Variants in PIEZO2 observed in about 807,000 individuals in gnomAD.
PIEZO2 encodes piezo-type mechanosensitive ion channel component 2.
PIEZO2 carries 172 observed loss-of-function variants against 337.3 expected under a neutral mutation model. That is an observed-to-expected ratio of 0.51 (90% confidence interval 0.45 to 0.58). The LOEUF is 0.58. PIEZO2 is among the 20% of genes least tolerant of loss of function. The pLI is 0.00. For missense variants in PIEZO2, 3,028 were observed against 3,391.3 expected (o/e 0.89, Z 2.66); for synonymous variants, 1,251 against 1,228.5 (o/e 1.02, Z -0.38).
chr18:11,053,459 T>TA (rs541389229), intron 2 of PIEZO2, among the ~76,000 whole-genome samples: 84 of 152,298 alleles, frequency 5.5e-4, no homozygotes, highest in African/African-American at 2.0e-3. Context: ...ACAGCCCACT[T>TA]AAAAATTTAT....
intron 27 of PIEZO2, among the ~76,000 whole-genome samples, chr18:10,756,828 T>A (rs976415148): frequency 7.7e-6 from 1 of 130,714 alleles, no homozygotes; most frequent in Admixed American, 7.8e-5. Context: ...GGGATAAGGA[T>A]GAGGAATGGG....
At chr18:10,706,523 T>C (rs558507165) in intron 40 of PIEZO2, among the ~76,000 whole-genome samples, 10 of 152,194 alleles carry the variant, frequency 6.6e-5, no homozygotes, top group Non-Finnish European at 1.5e-4. Context: ...TGTTCTCTCC[T>C]ACCAACAACT....
rs961118861 is a variant in PIEZO2, at chr18:11,032,056, G to A, written c.160+34071C>T. 1.3e-5 allele frequency among the ~76,000 whole-genome samples: 2 copies of A among 152,076 alleles called. No homozygotes were observed. Among genetic ancestry groups the A allele is most frequent in the Non-Finnish European group, 2.9e-5 (2 of 68,024 alleles). ...GATGGCAATAAAGTAATGATGACAAGAGCTACCATTTTTCAGGACCTGCCA... is the reference window on the plus strand; with the variant it reads ...GATGGCAATAAAGTAATGATGACAAAAGCTACCATTTTTCAGGACCTGCCA... On this transcript the variant is annotated intron_variant, in intron 2 of 55. Transcript: ENST00000674853. This position sits in a 1 kb window ranked among gnomAD's most constrained non-coding sequence, Gnocchi z 4.9.
At position 10,837,104 on chromosome 18, in the gene PIEZO2, G is replaced by T. The variant is rs183853142; in HGVS notation, c.917+18249C>A. On this transcript the variant is annotated intron_variant, in intron 7 of 55. Transcript: ENST00000674853. This position sits in a 1 kb window ranked among gnomAD's most constrained non-coding sequence, Gnocchi z 4.4. The stretch of plus-strand genomic sequence containing the variant: ...TTTCTTAGGCAAAGAAACACTCTTC[G>T]CACAGGGATTGCTCACAACTCTTTC... Among the ~76,000 whole-genome samples the T allele has an allele frequency of 6.6e-6, 1 of 152,088 alleles. No homozygotes were observed. Among genetic ancestry groups the T allele is most frequent in the Non-Finnish European group, 1.5e-5 (1 of 68,012 alleles).
intron 8 of PIEZO2, among the ~76,000 whole-genome samples, chr18:10,805,341 C>T (rs959906480): frequency 6.6e-6 from 1 of 152,122 alleles, no homozygotes; most frequent in Non-Finnish European, 1.5e-5. Flanking sequence ...TGGCGAAACC[C>T]CGTCTCTACT....
At chr18:11,107,889 G>T (rs1404005972) in intron 1 of PIEZO2, among the ~76,000 whole-genome samples, 1 of 152,162 alleles carries the variant, frequency 6.6e-6, no homozygotes, top group Admixed American at 6.5e-5. Context: ...TTGCTGCTTG[G>T]CAACGGCTTT....
chr18:10,674,475 C>A (rs2033906084), intron 54 of PIEZO2, among the ~76,000 whole-genome samples: 1 of 152,206 alleles, frequency 6.6e-6, no homozygotes, highest in Non-Finnish European at 1.5e-5. Flanking sequence ...TCCCCAGGGC[C>A]CTCCATTGGG....
chr18:10,778,786 C>T (rs994540454), intron 18 of PIEZO2, among the ~76,000 whole-genome samples: 7 of 152,148 alleles, frequency 4.6e-5, no homozygotes, highest in African/African-American at 1.4e-4. Flanking sequence ...GGCCTTGTGG[C>T]TTGGGATAAG....
intron 7 of PIEZO2, among the ~76,000 whole-genome samples, chr18:10,822,908 G>GAA (rs1177692244): frequency 1.1e-4 from 17 of 152,196 alleles, no homozygotes; most frequent in African/African-American, 3.9e-4. Flanking sequence ...AAAAATCAGC[G>GAA]GCTCAACAAA....
At chr18:11,045,836 C>T (rs980905452) in intron 2 of PIEZO2, among the ~76,000 whole-genome samples, 1 of 152,208 alleles carries the variant, frequency 6.6e-6, no homozygotes, top group Non-Finnish European at 1.5e-5. Context: ...GGATCACCAA[C>T]TAGACAGTCC....
chr18:10,784,371 T>C lies in PIEZO2; in HGVS notation c.2492+413A>G, dbSNP rs1344539516. ...TTATTTCCAAAGTGGAAGGGAAAAC[T>C]GCCCATCATCTTTTGCTATGCTCTC... On this transcript the variant is annotated intron_variant, in intron 17 of 55. Transcript: ENST00000674853. This position sits in a 1 kb window ranked among gnomAD's most constrained non-coding sequence, Gnocchi z 4.5. Among the ~76,000 whole-genome samples, 2 of 152,240 alleles carry C rather than the reference T, an allele frequency of 1.3e-5. No individual in the cohort carries two copies. The highest frequency in any genetic ancestry group is 2.4e-5 in the African/African-American group (1 of 41,474).
chr18:11,025,873 G>A (rs989903901), intron 2 of PIEZO2, among the ~76,000 whole-genome samples: 1 of 152,174 alleles, frequency 6.6e-6, no homozygotes, highest in Non-Finnish European at 1.5e-5. Flanking sequence ...AGTAGGTGTG[G>A]AAGAGGGAGT....
intron 4 of PIEZO2, among the ~76,000 whole-genome samples, chr18:10,898,943 G>A (rs2042975732): frequency 6.6e-6 from 1 of 152,174 alleles, no homozygotes; most frequent in Non-Finnish European, 1.5e-5. Flanking sequence ...CCTGACCAAA[G>A]CTTCCCTGGG....
intron 35 of PIEZO2, among the ~76,000 whole-genome samples, chr18:10,734,511 G>T (rs917007080): frequency 5.3e-5 from 8 of 152,242 alleles, no homozygotes; most frequent in African/African-American, 1.7e-4. Flanking sequence ...ACAGAGCAAA[G>T]CATTTTAGTG....
intron 15 of PIEZO2, 82 bp from the exon 16 acceptor site, chr18:10,787,266 T>A: frequency 1.6e-6 from 2 of 1,257,206 alleles, no homozygotes; most frequent in Non-Finnish European, 2.1e-6. Flanking sequence ...TTAATTCAAG[T>A]AAGACAAGTG....
At chr18:10,941,587 A>G (rs1223660934) in intron 3 of PIEZO2, among the ~76,000 whole-genome samples, 7 of 152,242 alleles carry the variant, frequency 4.6e-5, no homozygotes, top group African/African-American at 1.7e-4. Flanking sequence ...ATACGTTTTC[A>G]TTCTAAGCCT....
Position 10,713,204 on chromosome 18 carries a change from G to GTA in PIEZO2, c.5423+1558_5423+1559dup, listed in dbSNP as rs759259596. 9.2e-5 allele frequency among the ~76,000 whole-genome samples: 14 copies of GTA among 151,954 alleles called. No homozygotes were observed. The highest frequency in any genetic ancestry group is 3.4e-4 in the African/African-American group (14 of 41,346). Reference sequence around the variant, plus strand: ...TAAATATATGTATATATTTTACTGTGTATATATATCACAAAGATCTTTTCA... The same window carrying GTA: ...TAAATATATGTATATATTTTACTGTGTATATATATATCACAAAGATCTTTTCA... On this transcript the variant is annotated intron_variant, in intron 39 of 55. Coordinates refer to ENST00000674853, the MANE Select transcript of PIEZO2 (RefSeq NM_001378183.1). The surrounding 1 kb of genome is among the most constrained non-coding windows in gnomAD (Gnocchi z 4.5).
intron 7 of PIEZO2, among the ~76,000 whole-genome samples, chr18:10,844,517 G>A (rs554129138): frequency 2.8e-4 from 43 of 150,916 alleles, no homozygotes; most frequent in East Asian, 1.8e-3. Flanking sequence ...GGCCGGGCAC[G>A]GTGGCTCACG....
At chr18:10,723,428 T>C (rs2036404384) in intron 36 of PIEZO2, among the ~76,000 whole-genome samples, 1 of 151,992 alleles carries the variant, frequency 6.6e-6, no homozygotes, top group South Asian at 2.1e-4. Flanking sequence ...GGAGACTGGG[T>C]ATAGATGACT....
Sources: allele counts gnomAD v4.1 joint callset (sites outside exome capture counted in the v4.1 genomes callset), GRCh38; gene constraint gnomAD v4.1.1; non-coding constraint Gnocchi (gnomAD v3.1); transcripts MANE v1.5; gene names NCBI Gene and HGNC (gene_info 2026-07-23, HGNC 2026-07-21).